Variants in DTWD2 observed in about 807,000 individuals in gnomAD.
DTWD2 encodes the protein DTW motif tRNA-uridine aminocarboxypropyltransferase 2.
A neutral mutation model predicts 31.8 loss-of-function variants in DTWD2; 39 were observed. That is an observed-to-expected ratio of 1.22 (90% CI 0.95 to 1.60). DTWD2 has a LOEUF of 1.60. Among genes scored for constraint, DTWD2 ranks in the 40% most tolerant of loss-of-function variants. The pLI, the probability that DTWD2 is intolerant of heterozygous loss-of-function variation, is 0.00. For synonymous variants in DTWD2, 180 were observed against 142.8 expected (o/e 1.26, Z -1.86); for missense variants, 515 against 381.5 (o/e 1.35, Z -2.92).
intron 5 of DTWD2, among the ~76,000 whole-genome samples, chr5:118,842,848 G>T (rs1751751041): frequency 6.6e-6 from 1 of 151,882 alleles, no homozygotes; most frequent in Non-Finnish European, 1.5e-5. Context: ...TCGGGAGGCT[G>T]AGGCAGGAGG....
intron 4 of DTWD2, among the ~76,000 whole-genome samples, chr5:118,904,665 A>G (rs1301366231): frequency 6.6e-6 from 1 of 152,152 alleles, no homozygotes; most frequent in Non-Finnish European, 1.5e-5. Context: ...AAAATAAAAT[A>G]AGAAATTGAT....
intron 1 of DTWD2, among the ~76,000 whole-genome samples, chr5:118,950,359 G>C (rs1257956509): frequency 1.3e-5 from 2 of 152,162 alleles, no homozygotes; most frequent in African/African-American, 2.4e-5. Context: ...GTAATGTGGA[G>C]TGGGTAGTCT....
At chr5:118,860,184 T>C (rs1752228772) in intron 4 of DTWD2, among the ~76,000 whole-genome samples, 1 of 149,712 alleles carries the variant, frequency 6.7e-6, no homozygotes, top group African/African-American at 2.4e-5. Context: ...ACTCATTATA[T>C]ATTATATAAA....
rs1371581337 is a variant in DTWD2, at chr5:118,838,495, T to G, written c.*2422A>C. On this transcript the variant is annotated 3_prime_UTR_variant, in exon 6 of 6. Coordinates refer to ENST00000510708, the MANE Select transcript of DTWD2 (RefSeq NM_173666.4). ...TAATTTTTCAATTAAAATACTCAGATAATACTACACACTTGAGAACTTTTA... is the reference window on the plus strand; with the variant it reads ...TAATTTTTCAATTAAAATACTCAGAGAATACTACACACTTGAGAACTTTTA... 1 of 152,216 alleles carries G rather than the reference T, an allele frequency of 6.6e-6. No individual in the cohort carries two copies. The highest frequency in any genetic ancestry group is 1.5e-5 in the Non-Finnish European group (1 of 68,026). 9.4% of individuals were successfully genotyped at this position (152,216 alleles called of 1,614,324 possible). A position where few individuals can be genotyped will look rare whatever the true frequency, so the allele number is the denominator to read the frequency against.
chr5:118,980,953 A>T (rs1298320984), intron 1 of DTWD2, among the ~76,000 whole-genome samples: 1 of 152,268 alleles, frequency 6.6e-6, no homozygotes, highest in Non-Finnish European at 1.5e-5. Context: ...CAACCCAAGC[A>T]TTCATCAACA....
At chr5:118,934,591 G>C (rs551616557) in intron 3 of DTWD2, among the ~76,000 whole-genome samples, 1 of 151,970 alleles carries the variant, frequency 6.6e-6, no homozygotes, top group South Asian at 2.1e-4. Flanking sequence ...AGCCAGCAAA[G>C]AAATAGAATG....
At chr5:118,950,385 A>G (rs1255133560) in intron 1 of DTWD2, among the ~76,000 whole-genome samples, 2 of 152,136 alleles carry the variant, frequency 1.3e-5, no homozygotes, top group Non-Finnish European at 2.9e-5. Flanking sequence ...TTGATTAAGA[A>G]GGGGACGGCC....
chr5:118,865,586 T>C (rs998996584), intron 4 of DTWD2, among the ~76,000 whole-genome samples: 1 of 152,244 alleles, frequency 6.6e-6, no homozygotes, highest in African/African-American at 2.4e-5. Context: ...GTTTAAAAAC[T>C]GTCTAAATAC....
intron 1 of DTWD2, among the ~76,000 whole-genome samples, chr5:118,948,743 G>A (rs757596861): frequency 1.3e-5 from 2 of 152,104 alleles, no homozygotes; most frequent in Non-Finnish European, 2.9e-5. Context: ...GAAAAGGGTT[G>A]GGATTAGTTA....
rs549314757 is a variant in DTWD2, at chr5:118,919,735, T to C, written c.597+8802A>G. 2.0e-5 allele frequency among the ~76,000 whole-genome samples: 3 copies of C among 152,218 alleles called. No individual in the cohort carries two copies. In the South Asian group the frequency reaches 6.2e-4, roughly 32 times the overall value. Reference sequence around the variant, plus strand: ...CTACCACAATGCTGTTTAAACATTATGATGTTTATCATTCCTGTTTTTTTC... The same window carrying C: ...CTACCACAATGCTGTTTAAACATTACGATGTTTATCATTCCTGTTTTTTTC... On this transcript the variant is annotated intron_variant, in intron 4 of 5. Coordinates refer to ENST00000510708, the MANE Select transcript of DTWD2 (RefSeq NM_173666.4).
At chr5:118,851,447 A>G in intron 4 of DTWD2, among the ~76,000 whole-genome samples, 1 of 152,088 alleles carries the variant, frequency 6.6e-6, no homozygotes, top group Middle Eastern at 3.4e-3. Flanking sequence ...TAAGGATTTC[A>G]AAAGGGGAGG....
At chr5:118,898,862 C>T (rs1192205683) in intron 4 of DTWD2, among the ~76,000 whole-genome samples, 1 of 152,144 alleles carries the variant, frequency 6.6e-6, no homozygotes, top group Non-Finnish European at 1.5e-5. Context: ...CCTACTTGCA[C>T]ACTTGATTGA....
chr5:118,879,718 C>T (rs938404565), intron 4 of DTWD2, among the ~76,000 whole-genome samples: 3 of 151,426 alleles, frequency 2.0e-5, no homozygotes, highest in African/African-American at 7.3e-5. Context: ...AAATCAAATA[C>T]CACATGTTCT....
At chr5:118,911,365 G>A (rs1311680488) in intron 4 of DTWD2, among the ~76,000 whole-genome samples, 1 of 152,178 alleles carries the variant, frequency 6.6e-6, no homozygotes, top group Non-Finnish European at 1.5e-5. Flanking sequence ...AACAAGTGTT[G>A]GGAAGGATGT....
At chr5:118,963,795 C>T (rs989667770) in intron 1 of DTWD2, among the ~76,000 whole-genome samples, 2 of 152,166 alleles carry the variant, frequency 1.3e-5, no homozygotes, top group Admixed American at 1.3e-4. Context: ...CTAAATCACA[C>T]TATTCATGTT....
intron 1 of DTWD2, among the ~76,000 whole-genome samples, chr5:118,973,618 CG>C (rs1755044471): frequency 8.4e-5 from 2 of 23,682 alleles, no homozygotes; most frequent in Non-Finnish European, 2.2e-4. Flanking sequence ...CCTCCTTGCT[CG>C]CGGCAGCCTC....
chr5:118,969,081 C>T (rs1485305357), intron 1 of DTWD2, among the ~76,000 whole-genome samples: 1 of 152,110 alleles, frequency 6.6e-6, no homozygotes, highest in East Asian at 1.9e-4. Flanking sequence ...TGGGACCCTG[C>T]TTCATCCCTC....
chr5:118,927,617 C>A (rs76030381), intron 4 of DTWD2, among the ~76,000 whole-genome samples: 3,819 of 151,898 alleles, frequency 0.025, 169 homozygotes, highest in African/African-American at 0.087. Flanking sequence ...TATATGGCAA[C>A]CAATCTGCTA....
chr5:118,957,164 T>G (rs993654822), intron 1 of DTWD2, among the ~76,000 whole-genome samples: 3 of 152,156 alleles, frequency 2.0e-5, no homozygotes, highest in Non-Finnish European at 4.4e-5. Flanking sequence ...CCTTACTAGA[T>G]TCTCTTATAA....
Sources: allele counts gnomAD v4.1 joint callset (sites outside exome capture counted in the v4.1 genomes callset), GRCh38; gene constraint gnomAD v4.1.1; transcripts MANE v1.5; gene names NCBI Gene and HGNC (gene_info 2026-07-23, HGNC 2026-07-21).